The following NPAS3 variants were observed in gnomAD, a reference collection of about 807,000 sequenced individuals.
NPAS3 encodes neuronal PAS domain protein 3.
Under a neutral mutation model 73.1 loss-of-function variants are expected in NPAS3, and 14 were observed. The ratio of observed to expected loss-of-function variants is 0.19; its 90% CI spans 0.13 to 0.30. The LOEUF is 0.30. NPAS3 is among the 10% of genes least tolerant of loss of function. The pLI, the probability that NPAS3 is intolerant of heterozygous loss-of-function variation, is 1.00. For synonymous variants in NPAS3, 620 were observed against 541.5 expected (o/e 1.14, Z -2.01); for missense variants, 1,096 against 1,250.0 (o/e 0.88, Z 1.86).
chr14:33,040,119 T>A (rs749791080), intron 1 of NPAS3, among the ~76,000 whole-genome samples: 13 of 152,184 alleles, frequency 8.5e-5, no homozygotes, highest in Non-Finnish European at 1.5e-5. Flanking sequence ...CTGTTAGGAT[T>A]GTGACTGACT....
At chr14:33,337,911 T>A (rs1242986694) in intron 3 of NPAS3, among the ~76,000 whole-genome samples, 1 of 151,974 alleles carries the variant, frequency 6.6e-6, no homozygotes, top group African/African-American at 2.4e-5. Flanking sequence ...TCTTGTATAC[T>A]GATCTTTTGT....
chr14:33,198,147 G>A (rs1436141497), intron 2 of NPAS3, among the ~76,000 whole-genome samples: 9 of 152,154 alleles, frequency 5.9e-5, no homozygotes, highest in Admixed American at 3.3e-4. Context: ...GCAGACCTTC[G>A]CAGTGTTACA....
At chr14:32,954,005 C>T (rs946729887) in intron 1 of NPAS3, among the ~76,000 whole-genome samples, 1 of 152,086 alleles carries the variant, frequency 6.6e-6, no homozygotes, top group Non-Finnish European at 1.5e-5. Context: ...TGTCTCTCAA[C>T]AATCTGAAGC....
rs139754785 is a variant in NPAS3 at position 32,962,263 on chromosome 14, G to A, written c.50+22897G>A. Among the ~76,000 whole-genome samples, 1,242 of 152,238 alleles carry A rather than the reference G, an allele frequency of 8.2e-3. 16 individuals are homozygous for A. The highest frequency in any genetic ancestry group is 0.028 in the African/African-American group (1,183 of 41,546). On this transcript the variant is annotated intron_variant, in intron 1 of 11. Transcript: ENST00000356141. ...TTAATATTGGTTTAAATTGAAAAAC[G>A]TAAGACTAGATTTTTTGTTATTAAA...
intron 3 of NPAS3, among the ~76,000 whole-genome samples, chr14:33,223,106 T>C (rs2047493379): frequency 1.3e-5 from 2 of 152,086 alleles, no homozygotes; most frequent in Non-Finnish European, 2.9e-5. Context: ...GATCAGGAGT[T>C]CGAGACCAGC....
intron 4 of NPAS3, among the ~76,000 whole-genome samples, chr14:33,532,864 A>G (rs1480559764): frequency 2.6e-5 from 4 of 152,134 alleles, no homozygotes; most frequent in Middle Eastern, 3.4e-3. Context: ...TTGACTCCCA[A>G]ATTTTGTTGG....
intron 4 of NPAS3, among the ~76,000 whole-genome samples, chr14:33,529,739 A>G (rs940981956): frequency 6.6e-6 from 1 of 152,068 alleles, no homozygotes; most frequent in Non-Finnish European, 1.5e-5. Flanking sequence ...CACCGTGAAC[A>G]TCCCCAGAAA....
At chr14:33,596,926 G>A (rs2057258949) in intron 5 of NPAS3, among the ~76,000 whole-genome samples, 2 of 152,200 alleles carry the variant, frequency 1.3e-5, no homozygotes, top group Non-Finnish European at 1.5e-5. Context: ...GCAGTGGACA[G>A]GGGCCAGATC....
At chr14:32,966,776 CAAAAAA>C (rs61620104) in intron 1 of NPAS3, among the ~76,000 whole-genome samples, 1 of 45,154 alleles carries the variant, frequency 2.2e-5, no homozygotes, top group Non-Finnish European at 4.1e-5. Flanking sequence ...GACTCCGTCT[CAAAAAA>C]AAAAAAAAAA....
chr14:33,682,225 T>TA (rs1215522798), intron 6 of NPAS3, among the ~76,000 whole-genome samples: 1 of 152,188 alleles, frequency 6.6e-6, no homozygotes, highest in Non-Finnish European at 1.5e-5. Context: ...TGGATTGATT[T>TA]AAAATGCATT....
At chr14:33,750,853 G>A (rs1160750891) in intron 7 of NPAS3, among the ~76,000 whole-genome samples, 2 of 152,168 alleles carry the variant, frequency 1.3e-5, no homozygotes, top group Non-Finnish European at 2.9e-5. Context: ...TATAATAGAG[G>A]TATGTTCCAA....
At chr14:33,438,847 C>G (rs2049106919) in intron 4 of NPAS3, among the ~76,000 whole-genome samples, 1 of 152,178 alleles carries the variant, frequency 6.6e-6, no homozygotes, top group African/African-American at 2.4e-5. Context: ...GGCATGGGCA[C>G]ACCTAAAATA....
chr14:33,687,097 A>AAGAC lies in NPAS3; in HGVS notation c.733+10716_733+10719dup, dbSNP rs528039948. Among the ~76,000 whole-genome samples the AAGAC allele has an allele frequency of 4.7e-3, 709 of 152,328 alleles. 4 individuals are homozygous for AAGAC. Among genetic ancestry groups the AAGAC allele is most frequent in the African/African-American group, 0.015 (621 of 41,576 alleles). The stretch of plus-strand genomic sequence containing the variant: ...TTGGAATTAAGATAACATTTAGAAA[A>AAGAC]AGACAGAAATATGCCTGTGGTCAGT... On this transcript the variant is annotated intron_variant, in intron 6 of 11. Transcript: ENST00000356141.
At chr14:33,137,230 G>A (rs2043874110) in intron 2 of NPAS3, among the ~76,000 whole-genome samples, 1 of 152,150 alleles carries the variant, frequency 6.6e-6, no homozygotes, top group African/African-American at 2.4e-5. Context: ...TAAAATGAAT[G>A]TTTTTAGTGA....
intron 1 of NPAS3, among the ~76,000 whole-genome samples, chr14:33,000,041 C>G (rs1196345227): frequency 1.3e-5 from 2 of 152,160 alleles, no homozygotes; most frequent in Admixed American, 1.3e-4. Context: ...GAACCCTTCA[C>G]TCTGCTGGGG....
chr14:33,462,958 G>T (rs1957320), intron 4 of NPAS3, among the ~76,000 whole-genome samples: 28,980 of 152,156 alleles, frequency 0.19, 3,286 homozygotes, highest in African/African-American at 0.32. Context: ...AAGGTAAGTA[G>T]GTAATAAATG....
At chr14:33,006,666 C>T (rs1444394853) in intron 1 of NPAS3, among the ~76,000 whole-genome samples, 1 of 152,172 alleles carries the variant, frequency 6.6e-6, no homozygotes, top group Non-Finnish European at 1.5e-5. Flanking sequence ...TGGGTGGACT[C>T]ATTTCTCTAT....
At chr14:33,505,687 G>T (rs923089519) in intron 4 of NPAS3, among the ~76,000 whole-genome samples, 3 of 151,976 alleles carry the variant, frequency 2.0e-5, no homozygotes, top group Admixed American at 2.0e-4. Flanking sequence ...AAAAAGAACA[G>T]AACTTTCCAA....
chr14:33,024,931 A>G (rs545206442), intron 1 of NPAS3, among the ~76,000 whole-genome samples: 52 of 152,216 alleles, frequency 3.4e-4, no homozygotes, highest in Non-Finnish European at 6.2e-4. Flanking sequence ...TAAGTTATAA[A>G]TCAGGTATAG....
Sources: allele counts gnomAD v4.1 joint callset (sites outside exome capture counted in the v4.1 genomes callset), GRCh38; gene constraint gnomAD v4.1.1; transcripts MANE v1.5; gene names NCBI Gene and HGNC (gene_info 2026-07-23, HGNC 2026-07-21).